The following CALD1 variants were observed in gnomAD, a reference collection of about 807,000 sequenced individuals.
The protein encoded by CALD1 is caldesmon 1, also known as caldesmon.
A neutral mutation model predicts 99.9 loss-of-function variants in CALD1; 33 were observed. The observed-to-expected ratio is 0.33, with a 90% CI of 0.25 to 0.44. The LOEUF is 0.44. CALD1 is among the 20% of genes least tolerant of loss of function. The probability of loss-of-function intolerance (pLI) is 1.00; values close to 1 mark genes in which losing one functional copy is unlikely to be tolerated. For missense variants in CALD1, 861 were observed against 962.1 expected, an observed-to-expected ratio of 0.89 and a Z score of 1.39; for synonymous variants, 310 against 325.0, an observed-to-expected ratio of 0.95 and a Z score of 0.50.
chr7:134,872,228 G>A (rs1170788725), intron 3 of CALD1, among the ~76,000 whole-genome samples: 3 of 151,974 alleles, frequency 2.0e-5, no homozygotes, highest in Non-Finnish European at 4.4e-5. Context: ...ATGGTGGTGG[G>A]TGCCTGTAAT....
At chr7:134,867,914 C>G (rs1800878066) in intron 3 of CALD1, 110 bp downstream of exon 3, 3 of 518,682 alleles carry the variant, frequency 5.8e-6, no homozygotes, top group South Asian at 8.3e-5. Flanking sequence ...GCACACCAAA[C>G]TGTTCGCAAA....
chr7:134,820,954 GA>G (rs556726121), intron 1 of CALD1, among the ~76,000 whole-genome samples: 45 of 151,824 alleles, frequency 3.0e-4, no homozygotes, highest in East Asian at 9.6e-4. Flanking sequence ...CAGTGAAGGA[GA>G]GGGGAGGAGA....
intron 13 of CALD1, among the ~76,000 whole-genome samples, chr7:134,964,950 C>G (rs1808557219): frequency 6.6e-6 from 1 of 151,972 alleles, no homozygotes; most frequent in African/African-American, 2.4e-5. Context: ...CCCATCTCTA[C>G]TACACATACA....
intron 5 of CALD1, 98 bp from the exon 6 acceptor site, chr7:134,935,590 C>T (rs1563111680): frequency 4.0e-6 from 6 of 1,505,010 alleles, no homozygotes; most frequent in Middle Eastern, 1.7e-4. Flanking sequence ...AGCCATCCCA[C>T]GCAGCACTTG....
chr7:134,954,189 T>A (rs1442328726), intron 9 of CALD1, among the ~76,000 whole-genome samples: 1 of 152,216 alleles, frequency 6.6e-6, no homozygotes, highest in East Asian at 1.9e-4. Flanking sequence ...TGGGAAAGTC[T>A]GTACCTAGTT....
chr7:134,935,655 T>G, intron 5 of CALD1, 33 bp from the exon 6 acceptor site: 2 of 1,586,218 alleles, frequency 1.3e-6, no homozygotes, highest in Non-Finnish European at 1.7e-6. Context: ...CTTCTTTTAC[T>G]TGTGTGACCT....
chr7:134,787,870 G>T (rs1259295377), intron 1 of CALD1, among the ~76,000 whole-genome samples: 4 of 152,088 alleles, frequency 2.6e-5, no homozygotes, highest in East Asian at 1.9e-4. Context: ...TACTATATTT[G>T]TACCCATGCT....
intron 8 of CALD1, among the ~76,000 whole-genome samples, 166 bp from the exon 9 acceptor site, chr7:134,950,208 C>T (rs144578155): frequency 2.0e-5 from 3 of 152,300 alleles, no homozygotes; most frequent in Non-Finnish European, 2.9e-5. Flanking sequence ...GCAGGCAGCT[C>T]GACTCCAGCT....
At chr7:134,794,107 TACAC>T in intron 1 of CALD1, among the ~76,000 whole-genome samples, 1 of 152,242 alleles carries the variant, frequency 6.6e-6, no homozygotes, top group South Asian at 2.1e-4. Flanking sequence ...GCTGAGCACA[TACAC>T]ACACACTTCA....
intron 3 of CALD1, among the ~76,000 whole-genome samples, chr7:134,886,326 T>C (rs997987413): frequency 6.6e-6 from 1 of 152,142 alleles, no homozygotes; most frequent in African/African-American, 2.4e-5. Context: ...AAAGAACCAC[T>C]AGAATTCAGA....
the CALD1 span, among the ~76,000 whole-genome samples, chr7:134,726,520 TTA>T: frequency 2.9e-5 from 4 of 140,112 alleles, no homozygotes; most frequent in Admixed American, 1.4e-4. Context: ...ATACAATATA[TTA>T]TATATATATA....
At chr7:134,752,766 C>T (rs1008274948) in intron 1 of CALD1, among the ~76,000 whole-genome samples, 2 of 151,972 alleles carry the variant, frequency 1.3e-5, no homozygotes, top group East Asian at 3.9e-4. Context: ...TTTAGGAGGC[C>T]GAGGCGGGCA....
chr7:134,918,050 G>A (rs1384879999), intron 3 of CALD1, among the ~76,000 whole-genome samples: 1 of 152,136 alleles, frequency 6.6e-6, no homozygotes, highest in East Asian at 1.9e-4. Context: ...ATGGGGTGGT[G>A]CAAATTCTGT....
chr7:134,727,107 T>G, the CALD1 span, among the ~76,000 whole-genome samples: 1 of 152,194 alleles, frequency 6.6e-6, no homozygotes, highest in Non-Finnish European at 1.5e-5. Context: ...ACTTCTACAG[T>G]GGGAAGCAAG....
intron 3 of CALD1, among the ~76,000 whole-genome samples, chr7:134,895,098 T>C (rs189780735): frequency 4.4e-5 from 3 of 67,574 alleles, no homozygotes; most frequent in East Asian, 4.7e-4. Context: ...TGCTGGGAAA[T>C]AAATAAATAA....
At chr7:134,718,118 A>G in the CALD1 span, among the ~76,000 whole-genome samples, 1 of 152,172 alleles carries the variant, frequency 6.6e-6, no homozygotes, top group Non-Finnish European at 1.5e-5. Flanking sequence ...AAAATGGGAG[A>G]GCAGTTTTTT....
At chr7:134,887,877 T>C (rs1442751977) in intron 3 of CALD1, among the ~76,000 whole-genome samples, 1 of 151,712 alleles carries the variant, frequency 6.6e-6, no homozygotes, top group African/African-American at 2.4e-5. Flanking sequence ...TGTGTCTGTA[T>C]GTGTGTGTAT....
At chr7:134,925,182 A>G (rs1431169171) in intron 3 of CALD1, among the ~76,000 whole-genome samples, 1 of 152,132 alleles carries the variant, frequency 6.6e-6, no homozygotes, top group African/African-American at 2.4e-5. Flanking sequence ...GAAGAGGTAG[A>G]AGAGATAGTG....
At position 134,968,894 on chromosome 7, in the gene CALD1, C is replaced by CT. The variant is rs766207787; in HGVS notation, c.*556dup. 9.2e-4 allele frequency: 160 copies of CT among 173,386 alleles called. No homozygotes were observed. Among genetic ancestry groups the CT allele is most frequent in the Non-Finnish European group, 1.8e-3 (144 of 78,926 alleles). The allele number at this position is 173,386 out of a possible 1,614,324, so 10.7% of individuals were successfully genotyped here. A position where few individuals can be genotyped will look rare whatever the true frequency, so the allele number is the denominator to read the frequency against. On this transcript the variant is annotated 3_prime_UTR_variant, in exon 15 of 15. Transcript: ENST00000361675. Reference sequence around the variant, plus strand: ...AAAGAAATGTACTGTTAAGGTATTACTTTTTTTCATGCTGATGATTCATAT... The same window carrying CT: ...AAAGAAATGTACTGTTAAGGTATTACTTTTTTTTCATGCTGATGATTCATAT...
Sources: allele counts gnomAD v4.1 joint callset (sites outside exome capture counted in the v4.1 genomes callset), GRCh38; gene constraint gnomAD v4.1.1; transcripts MANE v1.5; gene names NCBI Gene and HGNC (gene_info 2026-07-23, HGNC 2026-07-21).